The following NR5A1 variants were observed in gnomAD, a reference collection of about 807,000 sequenced individuals.
NR5A1 encodes nuclear receptor subfamily 5 group A member 1.
Under a neutral mutation model 42.7 loss-of-function variants are expected in NR5A1, and 6 were observed. The observed-to-expected ratio is 0.14, with a 90% CI of 0.08 to 0.28. The LOEUF is 0.28. NR5A1 is among the 10% of genes least tolerant of loss of function. NR5A1 has a pLI of 1.00. For synonymous variants in NR5A1, 274 were observed against 277.5 expected (o/e 0.99, Z 0.12); for missense variants, 442 against 626.4 (o/e 0.71, Z 3.14).
rs1233584923 is a variant in NR5A1, at chr9:124,501,476, C to G, written c.245-761G>C. Among the ~76,000 whole-genome samples, 1 of 152,232 alleles carries G rather than the reference C, an allele frequency of 6.6e-6. No individual in the cohort carries two copies. Among genetic ancestry groups the G allele is most frequent in the African/African-American group, 2.4e-5 (1 of 41,464 alleles). On this transcript the variant is annotated intron_variant, in intron 3 of 6. Transcript: ENST00000373588. This position sits in a 1 kb window ranked among gnomAD's most constrained non-coding sequence, Gnocchi z 4.1. ...TCAGCCAGACCCAACAGGTACATCT[C>G]TGCAGCTGGAGTGTGCCCCCCGCCC... is the stretch of plus-strand genomic sequence containing the variant.
rs1240346906 is a variant in NR5A1 at position 124,482,037 on chromosome 9, G to C, written c.*721C>G. On this transcript the variant is annotated 3_prime_UTR_variant, in exon 7 of 7. Transcript: ENST00000373588. ...GCCTGGGAGGGCCACCTCTGGGTGG[G>C]GCTAGGATGTCGATTGTACCAAACG... The C allele has an allele frequency of 6.5e-6, 1 of 152,784 alleles. No homozygotes were observed. Among genetic ancestry groups the C allele is most frequent in the African/African-American group, 2.4e-5 (1 of 41,446 alleles). The allele number at this position is 152,784 out of a possible 1,614,324, so 9.5% of individuals were successfully genotyped here.
Position 124,482,525 on chromosome 9 carries a change from A to G in NR5A1, c.*233T>C, listed in dbSNP as rs1832142850. On this transcript the variant is annotated 3_prime_UTR_variant, in exon 7 of 7. Coordinates refer to ENST00000373588, the MANE Select transcript of NR5A1 (RefSeq NM_004959.5). ...ACAGCCACCTCCTTGGGGCACTCCA[A>G]GCAGCAGGCAAGTGCCAGTGGCCAC... The G allele has an allele frequency of 1.7e-6, 1 of 586,476 alleles. No individual in the cohort carries two copies. The highest frequency in any genetic ancestry group is 3.0e-6 in the Non-Finnish European group (1 of 330,640). 36.3% of individuals were successfully genotyped at this position (586,476 alleles called of 1,614,324 possible). A position where few individuals can be genotyped will look rare whatever the true frequency, so the allele number is the denominator to read the frequency against.
chr9:124,500,629 CCTT>C lies in NR5A1; in HGVS notation c.328_330del (p.Lys110del), dbSNP rs757624262. 5.6e-6 allele frequency: 9 copies of C among 1,613,320 alleles called. No individual in the cohort carries two copies. The highest frequency in any genetic ancestry group is 1.7e-5 in the Admixed American group (1 of 60,028). ...TTGAAGCCATTGGCCCGAATCTGTG[CCTT>C]CTTCTGCTGTTTCAGGGCCCGGTCC... On this transcript the variant is annotated inframe_deletion, in exon 4 of 7. Coordinates refer to ENST00000373588, the MANE Select transcript of NR5A1 (RefSeq NM_004959.5). This position sits in a 1 kb window ranked among gnomAD's most constrained non-coding sequence, Gnocchi z 6.9.
chr9:124,504,317 G>A (rs1393759446), intron 1 of NR5A1, among the ~76,000 whole-genome samples: 1 of 152,178 alleles, frequency 6.6e-6, no homozygotes, highest in East Asian at 1.9e-4. Flanking sequence ...TGCCGGGCAG[G>A]AGCCCAAGCG....
In NR5A1 at chr9:124,492,241, C is replaced by A. The variant is rs1278477984; in HGVS notation, c.990+789G>T. ...TGGCCATCAACCCCCTTCTCTGCCT[C>A]CCCCCCTCCCTCTCTTTCCCTACAG... On this transcript the variant is annotated intron_variant, in intron 5 of 6. Coordinates refer to ENST00000373588, the MANE Select transcript of NR5A1 (RefSeq NM_004959.5). Among the ~76,000 whole-genome samples, 4 of 147,872 alleles carry A rather than the reference C, an allele frequency of 2.7e-5. No individual in the cohort carries two copies. The East Asian group carries it at 8.2e-4, about 30-fold the overall frequency.
At position 124,482,579 on chromosome 9, in the gene NR5A1, C is replaced by A. The variant is rs1832143667; in HGVS notation, c.*179G>T. On this transcript the variant is annotated 3_prime_UTR_variant, in exon 7 of 7. Transcript: ENST00000373588. ...ACCTCCGCCAGGCCCTGCCCAGCCT[C>A]ACCCACCTTCCCAAACACACAGTGT... is the stretch of plus-strand genomic sequence containing the variant. 2.8e-6 allele frequency: 2 copies of A among 708,988 alleles called. No homozygotes were observed. The highest frequency in any genetic ancestry group is 5.6e-5 in the African/African-American group (2 of 35,418). 43.9% of individuals were successfully genotyped at this position (708,988 alleles called of 1,614,324 possible).
chr9:124,482,522 C>G lies in NR5A1; in HGVS notation c.*236G>C, dbSNP rs930127350. 2.2e-5 allele frequency: 13 copies of G among 583,512 alleles called. No individual in the cohort carries two copies. The South Asian group carries it at 2.5e-4, about 11-fold the overall frequency. 36.1% of individuals were successfully genotyped at this position (583,512 alleles called of 1,614,324 possible). On this transcript the variant is annotated 3_prime_UTR_variant, in exon 7 of 7. Transcript: ENST00000373588. ...TTAACAGCCACCTCCTTGGGGCACT[C>G]CAAGCAGCAGGCAAGTGCCAGTGGC...
chr9:124,497,865 G>A (rs1319266626), intron 4 of NR5A1, among the ~76,000 whole-genome samples: 1 of 152,184 alleles, frequency 6.6e-6, no homozygotes, highest in African/African-American at 2.4e-5. Flanking sequence ...CTACTTTCTA[G>A]AAAGGCACAG....
intron 6 of NR5A1, among the ~76,000 whole-genome samples, chr9:124,487,278 G>A (rs1033947441): frequency 6.6e-6 from 1 of 152,276 alleles, no homozygotes; most frequent in African/African-American, 2.4e-5. Flanking sequence ...GGTAACTCAG[G>A]CAGGCGCCCC....
At chr9:124,490,958 T>C in intron 6 of NR5A1, 123 bp downstream of exon 6, 1 of 1,283,944 alleles carries the variant, frequency 7.8e-7, no homozygotes, top group South Asian at 1.3e-5. Flanking sequence ...GAGGGGTCCT[T>C]TCTCCCCGAG....
intron 4 of NR5A1, among the ~76,000 whole-genome samples, chr9:124,494,088 G>C (rs1025401854): frequency 6.6e-6 from 1 of 152,238 alleles, no homozygotes; most frequent in Non-Finnish European, 1.5e-5. Context: ...GGGCACTGCA[G>C]ATGGGCCTGG....
chr9:124,482,725 G>GGGCGCC lies in NR5A1; in HGVS notation c.*32_*33insGGCGCC. 6.0e-6 allele frequency: 1 copy of GGGCGCC among 167,204 alleles called. No homozygotes were observed. Among genetic ancestry groups the GGGCGCC allele is most frequent in the Non-Finnish European group, 1.0e-5 (1 of 96,466 alleles). 10.4% of individuals were successfully genotyped at this position (167,204 alleles called of 1,614,324 possible). ...CCGCCCAGGCCCCGCCCCCAGTCCCGCCCCCAGTCCCGGCCCCGCCCCCGG... is the reference window on the plus strand; with the variant it reads ...CCGCCCAGGCCCCGCCCCCAGTCCCGGGCGCCCCCCCAGTCCCGGCCCCGCCCCCGG... On this transcript the variant is annotated 3_prime_UTR_variant, in exon 7 of 7. Coordinates refer to ENST00000373588, the MANE Select transcript of NR5A1 (RefSeq NM_004959.5).
At position 124,500,544 on chromosome 9, in the gene NR5A1, A is replaced by T; in HGVS notation, c.416T>A (p.Val139Glu). 1 of 1,609,766 alleles carries T rather than the reference A, an allele frequency of 6.2e-7. No homozygotes were observed. Among genetic ancestry groups the T allele is most frequent in the Non-Finnish European group, 8.5e-7 (1 of 1,179,604 alleles). Residue 139 changes from valine (V) to glutamate (E), a missense_variant, in exon 4 of 7, where the codon GTG becomes GAG. Physicochemically the swap from Val to Glu is moderately radical, Grantham distance 121. This residue lies in a region of NR5A1 where 208 missense variants were observed against 203.8 expected (regional missense o/e 1.02). Coordinates refer to ENST00000373588, the MANE Select transcript of NR5A1 (RefSeq NM_004959.5). This position sits in a 1 kb window ranked among gnomAD's most constrained non-coding sequence, Gnocchi z 6.9. ...AGGCCCATGCAGGCTGGGAGGCAGCACGTAGTCCGGTGCGGGAGGGGGCGG... is the reference window on the plus strand; with the variant it reads ...AGGCCCATGCAGGCTGGGAGGCAGCTCGTAGTCCGGTGCGGGAGGGGGCGG... ...PPPPPPAPDY[V>E]LPPSLHGPEP...
chr9:124,491,330 G>A, intron 5 of NR5A1, 102 bp from the exon 6 acceptor site: 1 of 944,542 alleles, frequency 1.1e-6, no homozygotes, highest in Non-Finnish European at 1.6e-6. Flanking sequence ...GATTGGAGGT[G>A]CAGGTCAGAT....
At position 124,493,076 on chromosome 9, in the gene NR5A1, A is replaced by G; in HGVS notation, c.944T>C (p.Val315Ala). ...LLVFDHIYRQ[V>A]QHGKEGSILL... is the part of the protein sequence containing the mutation. The stretch of plus-strand genomic sequence containing the variant: ...GATGCTGCCCTCCTTGCCGTGCTGG[A>G]CCTGGCGGTAGATGTGGTCGAACAC... The change falls in exon 5 of 7, where the codon GTC (valine) becomes GCC (alanine). Residue 315 changes from valine to alanine, a missense_variant. Val to Ala is a moderately conservative substitution (Grantham distance 64). Around this residue, in one of 3 missense-constraint regions of NR5A1, gnomAD observed 163 missense variants for 265.8 expected, o/e 0.61. Transcript: ENST00000373588. 6.2e-7 allele frequency: 1 copy of G among 1,610,920 alleles called. No homozygotes were observed. Among genetic ancestry groups the G allele is most frequent in the Non-Finnish European group, 8.5e-7 (1 of 1,179,268 alleles).
chr9:124,498,264 A>G lies in NR5A1; in HGVS notation c.870+1826T>C, dbSNP rs895301112. On this transcript the variant is annotated intron_variant, in intron 4 of 6. Transcript: ENST00000373588. This position sits in a 1 kb window ranked among gnomAD's most constrained non-coding sequence, Gnocchi z 4.6. ...TGGACCAGTGGAAAAGAACTTCCAC[A>G]TGGCTTACGAGAGGCGCTCTAAGGG... Among the ~76,000 whole-genome samples the G allele has an allele frequency of 6.6e-6, 1 of 152,220 alleles. No individual in the cohort carries two copies. The highest frequency in any genetic ancestry group is 1.5e-5 in the Non-Finnish European group (1 of 68,040).
chr9:124,504,882 GC>G (rs1350836468), intron 1 of NR5A1, among the ~76,000 whole-genome samples: 2 of 29,504 alleles, frequency 6.8e-5, no homozygotes, highest in South Asian at 9.2e-4. Context: ...CCGCCTCCCC[GC>G]CCCCCATCCT....
chr9:124,504,122 C>A (rs1832514535), intron 1 of NR5A1, among the ~76,000 whole-genome samples: 1 of 151,314 alleles, frequency 6.6e-6, no homozygotes, highest in African/African-American at 2.5e-5. Flanking sequence ...ACAGCGGAGG[C>A]CCGAAGAGAA....
chr9:124,500,926 C>T lies in NR5A1; in HGVS notation c.245-211G>A, dbSNP rs574842082. Reference sequence around the variant, plus strand: ...AGGCAATCCCTGCTAAGACCCCTCTCCTTCCACTCCACCGAACTCACCTCC... The same window carrying T: ...AGGCAATCCCTGCTAAGACCCCTCTTCTTCCACTCCACCGAACTCACCTCC... On this transcript the variant is annotated intron_variant, in intron 3 of 6. Transcript: ENST00000373588. This position sits in a 1 kb window ranked among gnomAD's most constrained non-coding sequence, Gnocchi z 6.9. 7.0e-5 allele frequency: 53 copies of T among 760,582 alleles called. No homozygotes were observed. The South Asian group carries it at 7.8e-4, about 11-fold the overall frequency. 47.1% of individuals were successfully genotyped at this position (760,582 alleles called of 1,614,324 possible).
Sources: gnomAD v4.1 joint callset for allele counts (sites outside exome capture counted in the v4.1 genomes callset) on GRCh38, gnomAD v4.1.1 for gene constraint, gnomAD v4.1.1 regional missense constraint, Gnocchi (gnomAD v3.1) non-coding constraint, MANE v1.5 for transcripts, NCBI Gene and HGNC (gene_info 2026-07-23, HGNC 2026-07-21) for gene names.